The following PFAS variants were observed in gnomAD, a reference collection of about 807,000 sequenced individuals.
PFAS encodes the protein phosphoribosylformylglycinamidine synthase, also known as FGAM synthase.
A neutral mutation model predicts 140.6 loss-of-function variants in PFAS; 97 were observed. The ratio of observed to expected loss-of-function variants is 0.69; its 90% confidence interval spans 0.59 to 0.82. The LOEUF (loss-of-function observed/expected upper bound fraction) is 0.82. Ranked by LOEUF, PFAS falls within the 40% of genes least tolerant of loss-of-function variation. The pLI is 0.00. For synonymous variants in PFAS, 679 were observed against 718.8 expected (o/e 0.94, Z 0.88); for missense variants, 1,656 against 1,780.2 (o/e 0.93, Z 1.26).
In PFAS at chr17:8,269,528, G is replaced by A. The variant is rs1989951766; in HGVS notation, c.*264G>A. 6.9e-6 allele frequency: 3 copies of A among 432,874 alleles called. No individual in the cohort carries two copies. The highest frequency in any genetic ancestry group is 4.1e-5 in the South Asian group (1 of 24,670). 26.8% of individuals were successfully genotyped at this position (432,874 alleles called of 1,614,324 possible). A position where few individuals can be genotyped will look rare whatever the true frequency, so the allele number is the denominator to read the frequency against. On this transcript the variant is annotated 3_prime_UTR_variant, in exon 28 of 28. Coordinates refer to ENST00000314666, the MANE Select transcript of PFAS (RefSeq NM_012393.3). ...TGTGGTTCAGAGAAAAGAGCGACAA[G>A]GAAAAGTTAGGACTCCTGAGGTCCG...
In PFAS at chr17:8,266,231, C is replaced by T; in HGVS notation, c.2702-3C>T. On this transcript the variant is annotated splice_polypyrimidine_tract_variant and splice_region_variant and intron_variant, in intron 21 of 27. Transcript: ENST00000314666. The surrounding 1 kb of genome is among the most constrained non-coding windows in gnomAD (Gnocchi z 5.0). ...TTGCTGAGCTTTCTTCTCCTTCCTC[C>T]AGACCGCCTCCTCTGCTCAGGCCAC... 6.2e-7 allele frequency: 1 copy of T among 1,613,902 alleles called. No homozygotes were observed.
chr17:8,255,916 G>A lies in PFAS; in HGVS notation c.680+6G>A. Reference sequence around the variant, plus strand: ...GACTTGGCGCAGTCCAATAGGTGAGGAGAAATGGGGTTGTTCCCATACCTG... The same window carrying A: ...GACTTGGCGCAGTCCAATAGGTGAGAAGAAATGGGGTTGTTCCCATACCTG... On this transcript the variant is annotated splice_donor_region_variant and intron_variant, in intron 6 of 27. Transcript: ENST00000314666. The A allele has an allele frequency of 6.3e-7, 1 of 1,590,984 alleles. No homozygotes were observed. The highest frequency in any genetic ancestry group is 8.6e-7 in the Non-Finnish European group (1 of 1,158,920).
Position 8,266,678 on chromosome 17 carries a change from C to A in PFAS, c.2822-75C>A. 6.5e-7 allele frequency: 1 copy of A among 1,535,068 alleles called. No homozygotes were observed. Among genetic ancestry groups the A allele is most frequent in the South Asian group, 1.3e-5 (1 of 78,100 alleles). ...CCTCTGACCCTCACCCTGGCCCTTC[C>A]TGCATTTCCCTGATCCCGCCCCAAC... On this transcript the variant is annotated intron_variant, in intron 22 of 27. Coordinates refer to ENST00000314666, the MANE Select transcript of PFAS (RefSeq NM_012393.3). This position sits in a 1 kb window ranked among gnomAD's most constrained non-coding sequence, Gnocchi z 5.0.
At chr17:8,258,261 A>G in intron 11 of PFAS, 62 bp downstream of exon 11, 1 of 1,587,254 alleles carries the variant, frequency 6.3e-7, no homozygotes, top group Non-Finnish European at 8.6e-7. Context: ...GGATGGCTAC[A>G]GGGAGGGAAC....
At position 8,269,264 on chromosome 17, in the gene PFAS, A is replaced by G; in HGVS notation, c.4017A>G (p.Ter1339TrpextTer68). 1 of 1,600,314 alleles carries G rather than the reference A, an allele frequency of 6.2e-7. No homozygotes were observed. The highest frequency in any genetic ancestry group is 1.1e-5 in the South Asian group (1 of 89,422). ...ACTGGACCCTGGAAGGGAGCTGCTG[A>G]CTGGCCACAGGGGCTCACCTGGGCC... ...ARNWTLEGSC* is the reference protein window; with the variant it reads ...ARNWTLEGSCW The change falls in exon 28 of 28, where the codon TGA becomes TGG. Residue 1339 changes from the stop codon to tryptophan, a stop_lost. Transcript: ENST00000314666.
At position 8,264,011 on chromosome 17, in the gene PFAS, C is replaced by T. The variant is rs752907128; in HGVS notation, c.1791+75C>T. Reference sequence around the variant, plus strand: ...ACCTGGGTATGGGCTAGAGGGAGAGCTGTCAAGGGAGAGAGACGAGAGGAA... The same window carrying T: ...ACCTGGGTATGGGCTAGAGGGAGAGTTGTCAAGGGAGAGAGACGAGAGGAA... On this transcript the variant is annotated intron_variant, in intron 15 of 27. Coordinates refer to ENST00000314666, the MANE Select transcript of PFAS (RefSeq NM_012393.3). 16 of 1,548,430 alleles carry T rather than the reference C, an allele frequency of 1.0e-5. No individual in the cohort carries two copies. In the East Asian group the frequency reaches 3.6e-4, roughly 35 times the overall value.
chr17:8,256,566 C>A lies in PFAS; in HGVS notation c.864C>A (p.Asp288Glu), dbSNP rs1400671837. Residue 288 changes from aspartate (D) to glutamate (E), a missense_variant, in exon 8 of 28, where the codon GAC becomes GAA. Transcript: ENST00000314666. ...GKEVRFLRPE[D>E]PTRPSRFQQQ... ...AAGTCCGATTCCTACGGCCTGAGGA[C>A]CCCACACGGCCAAGCCGCTTCCAGC... is the stretch of plus-strand genomic sequence containing the variant. The A allele has an allele frequency of 6.2e-7, 1 of 1,614,050 alleles. No individual in the cohort carries two copies. The highest frequency in any genetic ancestry group is 1.1e-5 in the South Asian group (1 of 91,080).
chr17:8,255,535 A>T lies in PFAS; in HGVS notation c.418A>T (p.Ile140Phe), dbSNP rs1278054858. 1 of 1,526,868 alleles carries T rather than the reference A, an allele frequency of 6.5e-7. No homozygotes were observed. The highest frequency in any genetic ancestry group is 8.8e-7 in the Non-Finnish European group (1 of 1,141,284). The allele number at this position is 1,526,868 out of a possible 1,614,324, so 94.6% of individuals were successfully genotyped here. The stretch of plus-strand genomic sequence containing the variant: ...CCCCCCGTCAGCTGAGGTGGAAGCC[A>T]TTGCTCTGGCTACCCTGCACGACCG... ...AHPPSAEVEA[I>F]ALATLHDRMT... is the part of the protein sequence containing the mutation. The change falls in exon 5 of 28, where the codon ATT (isoleucine) becomes TTT (phenylalanine). Residue 140 changes from isoleucine (I) to phenylalanine (F), a missense_variant. Ile to Phe is a conservative substitution (Grantham distance 21, BLOSUM62 0). Transcript: ENST00000314666.
rs376053896 is a variant in PFAS, at chr17:8,264,538, C to T, written c.1986C>T (p.His662=). 5 of 1,613,458 alleles carry T rather than the reference C, an allele frequency of 3.1e-6. No homozygotes were observed. The highest frequency in any genetic ancestry group is 1.1e-5 in the South Asian group (1 of 91,052). Residue 662 remains histidine, a synonymous_variant, in exon 17 of 28, where the codon CAC becomes CAT. Coordinates refer to ENST00000314666, the MANE Select transcript of PFAS (RefSeq NM_012393.3). The part of the protein sequence containing the change: ...PLALPPGLSV[H]QALERVLRLP... Reference sequence around the variant, plus strand: ...CCTTGCCCCCAGGGCTGAGCGTGCACCAGGCTCTGGAGAGGGTTCTGAGGC... The same window carrying T: ...CCTTGCCCCCAGGGCTGAGCGTGCATCAGGCTCTGGAGAGGGTTCTGAGGC...
In PFAS at chr17:8,267,435, C is replaced by G. The variant is rs781714578; in HGVS notation, c.3239C>G (p.Ala1080Gly). ...EEGSNGDREM[A>G]DAFHLAGFEV... The stretch of plus-strand genomic sequence containing the variant: ...GGCAGTAATGGAGACCGGGAGATGG[C>G]CGATGCCTTCCACTTAGCTGGGTTT... Residue 1080 changes from alanine to glycine, a missense_variant, in exon 25 of 28, where the codon GCC (alanine) becomes GGC (glycine). Physicochemically the swap from Ala to Gly is moderately conservative, Grantham distance 60. Transcript: ENST00000314666. The surrounding 1 kb of genome is among the most constrained non-coding windows in gnomAD (Gnocchi z 4.9). 3.7e-6 allele frequency: 6 copies of G among 1,614,058 alleles called. No individual in the cohort carries two copies. The South Asian group carries it at 5.5e-5, about 15-fold the overall frequency.
chr17:8,254,289 A>G lies in PFAS; in HGVS notation c.266A>G (p.Glu89Gly). 6 of 1,614,080 alleles carry G rather than the reference A, an allele frequency of 3.7e-6. 1 individual carries two copies. The South Asian group carries it at 6.6e-5, about 18-fold the overall frequency. ...CCTGGCTCCAATGACCTGCTGCTGG[A>G]GGTCGGGCCCAGGTAAGTATCTCAT... is the stretch of plus-strand genomic sequence containing the variant. ...LLPGSNDLLLEVGPRLNFSTP... is the reference protein window; with the variant it reads ...LLPGSNDLLLGVGPRLNFSTP... The change falls in exon 3 of 28, where the codon GAG (glutamate) becomes GGG (glycine). Residue 89 changes from glutamate to glycine, a missense_variant. Glu to Gly is a moderately conservative substitution (Grantham distance 98). This residue lies in a region of PFAS where 773 missense variants were observed against 757.3 expected (regional missense o/e 1.02). Transcript: ENST00000314666.
chr17:8,256,150 T>G, intron 6 of PFAS, 117 bp from the exon 7 acceptor site: 1 of 1,006,820 alleles, frequency 9.9e-7, no homozygotes, highest in African/African-American at 1.6e-5. Context: ...TATTTTGATC[T>G]GTCATCTAAG....
intron 11 of PFAS, among the ~76,000 whole-genome samples, chr17:8,260,657 C>T (rs142443101): frequency 1.1e-3 from 172 of 152,308 alleles, no homozygotes; most frequent in African/African-American, 3.8e-3. Context: ...CGGAGTCTCG[C>T]TCTGTCGCCC....
chr17:8,263,430 CTGCCGTGGGATGAT>C (rs764110221), intron 13 of PFAS, 131 bp from the exon 14 acceptor site: 13 of 993,976 alleles, frequency 1.3e-5, no homozygotes, highest in Non-Finnish European at 2.0e-5. Flanking sequence ...TGGAAGCCTG[CTGCCGTGGGATGAT>C]TGGTGGTAAG....
At chr17:8,262,855 C>T in intron 11 of PFAS, 65 bp from the exon 12 acceptor site, 1 of 1,275,114 alleles carries the variant, frequency 7.8e-7, no homozygotes, top group Non-Finnish European at 1.1e-6. Flanking sequence ...GTTCACGCTG[C>T]CTTGCTTTCG....
At chr17:8,268,893 TTG>T in intron 27 of PFAS, 37 bp downstream of exon 27, 1 of 1,611,852 alleles carries the variant, frequency 6.2e-7, no homozygotes, top group Non-Finnish European at 8.5e-7. Context: ...GGCCCGAGGG[TTG>T]GGGGCAAGGG....
chr17:8,267,426 G>A lies in PFAS; in HGVS notation c.3230G>A (p.Arg1077Gln), dbSNP rs780361589. Reference sequence around the variant, plus strand: ...CGAGAGGAGGGCAGTAATGGAGACCGGGAGATGGCCGATGCCTTCCACTTA... The same window carrying A: ...CGAGAGGAGGGCAGTAATGGAGACCAGGAGATGGCCGATGCCTTCCACTTA... ...ILREEGSNGD[R>Q]EMADAFHLAG... Residue 1077 changes from arginine to glutamine, a missense_variant, in exon 25 of 28, where the codon CGG becomes CAG. By Grantham distance (43) the Arg-to-Gln change is conservative. This residue lies in a region of PFAS where 883 missense variants were observed against 1,023.0 expected (regional missense o/e 0.86). Coordinates refer to ENST00000314666, the MANE Select transcript of PFAS (RefSeq NM_012393.3). This position sits in a 1 kb window ranked among gnomAD's most constrained non-coding sequence, Gnocchi z 4.9. The A allele has an allele frequency of 3.7e-5, 60 of 1,614,110 alleles. No homozygotes were observed. In the South Asian group the frequency reaches 4.6e-4, roughly 12 times the overall value.
Position 8,264,285 on chromosome 17 carries a change from C to T in PFAS, c.1865C>T (p.Pro622Leu). The T allele has an allele frequency of 6.2e-7, 1 of 1,614,084 alleles. No individual in the cohort carries two copies. Among genetic ancestry groups the T allele is most frequent in the Non-Finnish European group, 8.5e-7 (1 of 1,179,962 alleles). The change falls in exon 16 of 28, where the codon CCA (proline) becomes CTA (leucine). Residue 622 changes from proline (P) to leucine (L), a missense_variant. Transcript: ENST00000314666. ...GGGGATGCCCCCCCGACACCCCTGC[C>T]AACCCCTGTGGACCTGGAGCTCGAA... ...GQGDAPPTPL[P>L]TPVDLELEWV...
At chr17:8,255,935 A>G (rs1019722920) in intron 6 of PFAS, 25 bp downstream of exon 6, 11 of 1,541,204 alleles carry the variant, frequency 7.1e-6, no homozygotes, top group African/African-American at 6.8e-5. Context: ...GGTTGTTCCC[A>G]TACCTGAGCC....
Sources: gnomAD v4.1 joint callset for allele counts (sites outside exome capture counted in the v4.1 genomes callset) on GRCh38, gnomAD v4.1.1 for gene constraint, gnomAD v4.1.1 regional missense constraint, Gnocchi (gnomAD v3.1) non-coding constraint, MANE v1.5 for transcripts, NCBI Gene and HGNC (gene_info 2026-07-23, HGNC 2026-07-21) for gene names.